Variants in RAB12 observed in about 807,000 individuals in gnomAD.
The protein encoded by RAB12 is RAB12, member RAS oncogene family, also known as ras-related protein Rab-12.
Under a neutral mutation model 28.4 loss-of-function variants are expected in RAB12, and 11 were observed. The observed-to-expected ratio is 0.39, with a 90% confidence interval of 0.24 to 0.64. RAB12 has a LOEUF of 0.64. Ranked by LOEUF, RAB12 falls within the 30% of genes least tolerant of loss-of-function variation. The pLI, the probability that RAB12 is intolerant of heterozygous loss-of-function variation, is 0.50. For synonymous variants in RAB12, 138 were observed against 145.3 expected (o/e 0.95, Z 0.36); for missense variants, 276 against 351.1 (o/e 0.79, Z 1.71).
intron 1 of RAB12, among the ~76,000 whole-genome samples, chr18:8,616,771 A>T (rs1211577647): frequency 6.6e-6 from 1 of 151,934 alleles, no homozygotes; most frequent in Non-Finnish European, 1.5e-5. Flanking sequence ...AAAAAAAAAA[A>T]ATGAAAAATT....
intron 2 of RAB12, among the ~76,000 whole-genome samples, chr18:8,629,522 T>A (rs2096014706): frequency 6.6e-6 from 1 of 152,250 alleles, no homozygotes; most frequent in South Asian, 2.1e-4. Context: ...CTACTGATCG[T>A]GTACTGCAGG....
At chr18:8,620,265 T>C (rs1002858784) in intron 1 of RAB12, among the ~76,000 whole-genome samples, 1 of 150,104 alleles carries the variant, frequency 6.7e-6, no homozygotes, top group Admixed American at 6.7e-5. Flanking sequence ...GTTAAAATAC[T>C]TTTAGAAAGA....
chr18:8,625,032 G>A lies in RAB12; in HGVS notation c.575+34G>A, dbSNP rs200128186. 98 of 1,386,828 alleles carry A rather than the reference G, an allele frequency of 7.1e-5. No individual in the cohort carries two copies. In the African/African-American group the frequency reaches 9.2e-4, roughly 13 times the overall value. 85.9% of individuals were successfully genotyped at this position (1,386,828 alleles called of 1,614,324 possible). On this transcript the variant is annotated intron_variant, in intron 2 of 5. Coordinates refer to ENST00000649141, the MANE Select transcript of RAB12 (RefSeq NM_001025300.3). ...GAGAGTGTGCACCCAGTAATGTGCTGTGTGTGTTTAACAGTCCATGTACTT... is the reference window on the plus strand; with the variant it reads ...GAGAGTGTGCACCCAGTAATGTGCTATGTGTGTTTAACAGTCCATGTACTT...
chr18:8,632,289 A>C (rs1191919139), intron 2 of RAB12, among the ~76,000 whole-genome samples: 2 of 144,362 alleles, frequency 1.4e-5, no homozygotes, highest in Non-Finnish European at 3.1e-5. Flanking sequence ...CTCCAAAAAA[A>C]AAAAAAAAAA....
At chr18:8,626,000 A>G (rs552681525) in intron 2 of RAB12, among the ~76,000 whole-genome samples, 13 of 152,244 alleles carry the variant, frequency 8.5e-5, no homozygotes, top group African/African-American at 2.4e-4. Context: ...CTGAGGTAAT[A>G]TCTTCATTTG....
chr18:8,629,492 A>T (rs1425833241), intron 2 of RAB12, among the ~76,000 whole-genome samples: 1 of 152,174 alleles, frequency 6.6e-6, no homozygotes, highest in Non-Finnish European at 1.5e-5. Context: ...CTAATTTTTA[A>T]ACATGTTACC....
intron 2 of RAB12, 47 bp from the exon 3 acceptor site, chr18:8,633,142 T>G: frequency 6.2e-7 from 1 of 1,611,574 alleles, no homozygotes; most frequent in Non-Finnish European, 8.5e-7. Context: ...GTGATGGTGC[T>G]CACTTTGGGC....
At chr18:8,629,290 C>T (rs2096014584) in intron 2 of RAB12, among the ~76,000 whole-genome samples, 1 of 152,154 alleles carries the variant, frequency 6.6e-6, no homozygotes, top group Non-Finnish European at 1.5e-5. Context: ...TTATGGAAAC[C>T]AAATGGTATC....
rs769525201 is a variant in RAB12, at chr18:8,638,269, A to G, written c.*7A>G. ...ACATGTCCGATGCTGTTGATTTCCTACTTTGGAGACAAAGTGGAAATGATT... is the reference window on the plus strand; with the variant it reads ...ACATGTCCGATGCTGTTGATTTCCTGCTTTGGAGACAAAGTGGAAATGATT... On this transcript the variant is annotated 3_prime_UTR_variant, in exon 6 of 6. Transcript: ENST00000649141. The G allele has an allele frequency of 7.6e-6, 12 of 1,583,542 alleles. No homozygotes were observed. The highest frequency in any genetic ancestry group is 1.1e-5 in the South Asian group (1 of 90,300).
chr18:8,618,647 C>A (rs1042558703), intron 1 of RAB12, among the ~76,000 whole-genome samples: 3 of 151,994 alleles, frequency 2.0e-5, no homozygotes, highest in Non-Finnish European at 2.9e-5. Context: ...GCAGCTGGGA[C>A]CACAGGCACC....
At chr18:8,626,978 C>T (rs2096013083) in intron 2 of RAB12, among the ~76,000 whole-genome samples, 1 of 152,222 alleles carries the variant, frequency 6.6e-6, no homozygotes, top group Non-Finnish European at 1.5e-5. Flanking sequence ...TACTACAGGC[C>T]AGCCATTTTG....
intron 2 of RAB12, among the ~76,000 whole-genome samples, chr18:8,625,213 CAGA>C (rs1368602886): frequency 2.6e-5 from 4 of 152,200 alleles, no homozygotes; most frequent in African/African-American, 9.6e-5. Context: ...CAGTTGTGGA[CAGA>C]AGAATGTTAC....
rs369085393 is a variant in RAB12 at position 8,636,368 on chromosome 18, G to T, written c.909+11G>T. ...GACATTCTGAAAAAGGTAAAAAAAA[G>T]AATCTACATTATAAAAGTATATCAT... On this transcript the variant is annotated intron_variant, in intron 5 of 5. Transcript: ENST00000649141. The T allele has an allele frequency of 3.5e-6, 5 of 1,444,286 alleles. No homozygotes were observed. Among genetic ancestry groups the T allele is most frequent in the South Asian group, 1.2e-5 (1 of 84,600 alleles). 89.5% of individuals were successfully genotyped at this position (1,444,286 alleles called of 1,614,324 possible).
At chr18:8,623,867 C>T (rs1485522785) in intron 1 of RAB12, among the ~76,000 whole-genome samples, 1 of 152,254 alleles carries the variant, frequency 6.6e-6, no homozygotes, top group Admixed American at 6.5e-5. Context: ...CACACCCTGC[C>T]CCAGGGCTGT....
intron 5 of RAB12, 25 bp from the exon 6 acceptor site, chr18:8,638,124 T>C: frequency 2.0e-6 from 3 of 1,530,972 alleles, no homozygotes; most frequent in Non-Finnish European, 2.7e-6. Context: ...TAAAACGGAT[T>C]TTTTTTTGTT....
chr18:8,634,089 G>C (rs2096017477), intron 3 of RAB12, among the ~76,000 whole-genome samples: 1 of 152,124 alleles, frequency 6.6e-6, no homozygotes, highest in Non-Finnish European at 1.5e-5. Context: ...TAACATTGGA[G>C]AATGTTTGCC....
At chr18:8,635,665 G>A (rs1472727654) in intron 4 of RAB12, 43 bp downstream of exon 4, 1 of 1,231,358 alleles carries the variant, frequency 8.1e-7, no homozygotes, top group Non-Finnish European at 1.1e-6. Context: ...ACTGTGCTTA[G>A]CGCTTGAGGT....
intron 2 of RAB12, among the ~76,000 whole-genome samples, chr18:8,625,831 ATG>A (rs1219735514): frequency 6.6e-6 from 1 of 152,204 alleles, no homozygotes; most frequent in Non-Finnish European, 1.5e-5. Flanking sequence ...TTTGTCCACC[ATG>A]TGTGTGTTTG....
At position 8,609,835 on chromosome 18, in the gene RAB12, C is replaced by A. The variant is rs772796134; in HGVS notation, c.396C>A (p.Pro132=). The A allele has an allele frequency of 7.6e-6, 12 of 1,569,658 alleles. No individual in the cohort carries two copies. The highest frequency in any genetic ancestry group is 1.8e-5 in the Admixed American group (1 of 55,144). Residue 132 remains proline (P), a synonymous_variant, in exon 1 of 6, where the codon CCC becomes CCA. Coordinates refer to ENST00000649141, the MANE Select transcript of RAB12 (RefSeq NM_001025300.3). The part of the protein sequence containing the change: ...GGQGRRRKQP[P]RPADFKLQVI... ...AGGGCCGCCGGAGGAAGCAGCCCCC[C>A]AGGCCGGCCGACTTCAAGTTGCAGG...
Sources: allele counts gnomAD v4.1 joint callset (sites outside exome capture counted in the v4.1 genomes callset), GRCh38; gene constraint gnomAD v4.1.1; transcripts MANE v1.5; gene names NCBI Gene and HGNC (gene_info 2026-07-23, HGNC 2026-07-21).